The following PRR16 variants were observed in gnomAD, a reference collection of about 807,000 sequenced individuals.
PRR16 encodes the protein protein Largen.
A neutral mutation model predicts 18.2 loss-of-function variants in PRR16; 6 were observed. That is an observed-to-expected ratio of 0.33 (90% CI 0.18 to 0.65). The LOEUF (loss-of-function observed/expected upper bound fraction) is 0.65, where lower values mean the gene tolerates loss of function less well. Among genes scored for constraint, PRR16 ranks in the 30% least tolerant of loss-of-function variants. The pLI is 0.74. For synonymous variants in PRR16, 151 were observed against 147.8 expected (o/e 1.02, Z -0.16); for missense variants, 412 against 376.6 (o/e 1.09, Z -0.78).
chr5:120,590,297 T>C (rs1037570), intron 1 of PRR16, among the ~76,000 whole-genome samples: 125,915 of 152,010 alleles, frequency 0.83, 52,326 homozygotes, highest in East Asian at 0.91. Flanking sequence ...GCCTGTCTTG[T>C]TGAACCCATT....
At chr5:120,714,719 G>A in the PRR16 span, among the ~76,000 whole-genome samples, 4 of 152,116 alleles carry the variant, frequency 2.6e-5, no homozygotes, top group Admixed American at 2.6e-4. Context: ...ATTTACAATA[G>A]GAAAGACATG....
chr5:120,680,065 C>A (rs1202973784), intron 1 of PRR16, among the ~76,000 whole-genome samples: 1 of 152,192 alleles, frequency 6.6e-6, no homozygotes, highest in East Asian at 1.9e-4. Flanking sequence ...ACTGAAGAAA[C>A]CACTTCACTG....
the PRR16 span, among the ~76,000 whole-genome samples, chr5:120,771,278 T>C: frequency 6.6e-6 from 1 of 152,100 alleles, no homozygotes; most frequent in African/African-American, 2.4e-5. Context: ...TTTTTAAAGC[T>C]ATTTTTCTAC....
intron 1 of PRR16, among the ~76,000 whole-genome samples, chr5:120,526,354 C>G (rs1751346115): frequency 6.6e-6 from 1 of 152,154 alleles, no homozygotes; most frequent in Admixed American, 6.5e-5. Flanking sequence ...TCATGACTTT[C>G]AGATCTGTGT....
intron 1 of PRR16, among the ~76,000 whole-genome samples, chr5:120,494,651 T>A (rs1750182698): frequency 6.6e-6 from 1 of 152,182 alleles, no homozygotes; most frequent in South Asian, 2.1e-4. Context: ...ATTTTATGAA[T>A]CAGGCTATTG....
At chr5:120,573,128 G>A (rs1752959272) in intron 1 of PRR16, among the ~76,000 whole-genome samples, 1 of 152,082 alleles carries the variant, frequency 6.6e-6, no homozygotes, top group African/African-American at 2.4e-5. Context: ...TAGGGCCATG[G>A]GCATTTGCAT....
intron 1 of PRR16, among the ~76,000 whole-genome samples, chr5:120,616,243 A>T (rs1018955824): frequency 3.9e-5 from 6 of 152,162 alleles, no homozygotes; most frequent in Admixed American, 2.6e-4. Flanking sequence ...TCAAATGCAG[A>T]AACTGTAGTG....
the PRR16 span, among the ~76,000 whole-genome samples, chr5:120,748,678 T>C: frequency 2.0e-5 from 3 of 152,082 alleles, no homozygotes. Flanking sequence ...ACTCAGAGGA[T>C]TGAAATGGCA....
At chr5:120,521,426 A>G (rs1751176489) in intron 1 of PRR16, among the ~76,000 whole-genome samples, 1 of 152,100 alleles carries the variant, frequency 6.6e-6, no homozygotes, top group African/African-American at 2.4e-5. Context: ...CTTTGTTTCC[A>G]TATGACCTGT....
the PRR16 span, among the ~76,000 whole-genome samples, chr5:120,725,588 G>T: frequency 6.6e-6 from 1 of 151,940 alleles, no homozygotes; most frequent in African/African-American, 2.4e-5. Context: ...GAGGCAGAAG[G>T]ATTGCTTGAG....
chr5:120,562,788 C>G (rs2112720163), intron 1 of PRR16, among the ~76,000 whole-genome samples: 1 of 152,112 alleles, frequency 6.6e-6, no homozygotes, highest in East Asian at 1.9e-4. Context: ...TACACCTTAA[C>G]TCTGTTCATC....
At chr5:120,581,898 C>T (rs931945099) in intron 1 of PRR16, among the ~76,000 whole-genome samples, 22 of 152,002 alleles carry the variant, frequency 1.4e-4, no homozygotes, top group African/African-American at 4.3e-4. Context: ...TTATGATTTC[C>T]GTTCTTTTGC....
chr5:120,470,729 A>G (rs1749240815), intron 1 of PRR16, among the ~76,000 whole-genome samples: 1 of 152,078 alleles, frequency 6.6e-6, no homozygotes, highest in African/African-American at 2.4e-5. Flanking sequence ...TCTAATTCTC[A>G]AAACAGGTAG....
At chr5:120,746,737 G>C in the PRR16 span, among the ~76,000 whole-genome samples, 65 of 152,114 alleles carry the variant, frequency 4.3e-4, no homozygotes, top group Admixed American at 1.6e-3. Context: ...CTTTAATGTA[G>C]AGCCAGAGTT....
intron 1 of PRR16, chr5:120,618,635 T>G (rs1754589257): frequency 1.3e-6 from 1 of 772,146 alleles, no homozygotes; most frequent in South Asian, 5.9e-5. Context: ...AGAAAATAAA[T>G]TGTTGATTAT....
At chr5:120,731,861 G>C in the PRR16 span, among the ~76,000 whole-genome samples, 11 of 152,098 alleles carry the variant, frequency 7.2e-5, no homozygotes, top group African/African-American at 1.2e-4. Flanking sequence ...CCAATAAAAA[G>C]TGCTCTGTTT....
intron 1 of PRR16, among the ~76,000 whole-genome samples, chr5:120,591,314 G>A (rs1753627991): frequency 6.6e-6 from 1 of 151,718 alleles, no homozygotes; most frequent in Admixed American, 6.6e-5. Context: ...AAAAATAATT[G>A]TACTGTATAT....
At chr5:120,564,739 C>G (rs1327199347) in intron 1 of PRR16, among the ~76,000 whole-genome samples, 1 of 152,120 alleles carries the variant, frequency 6.6e-6, no homozygotes, top group Non-Finnish European at 1.5e-5. Flanking sequence ...GTAATCCCAG[C>G]CCTCTGGGAG....
chr5:120,596,546 T>C (rs745572233), intron 1 of PRR16, among the ~76,000 whole-genome samples: 29 of 151,830 alleles, frequency 1.9e-4, no homozygotes. Context: ...ATATGAAAAG[T>C]GCAGAGGATG....
Sources: gnomAD v4.1 joint callset for allele counts (sites outside exome capture counted in the v4.1 genomes callset) on GRCh38, gnomAD v4.1.1 for gene constraint, MANE v1.5 for transcripts, NCBI Gene and HGNC (gene_info 2026-07-23, HGNC 2026-07-21) for gene names.